Variants in ARHGAP6 observed in about 807,000 individuals in gnomAD.
ARHGAP6 encodes the protein Rho GTPase activating protein 6.
In ARHGAP6, 16 loss-of-function variants were observed where a neutral mutation model predicts 55.7. That is an observed-to-expected ratio of 0.29 (90% CI 0.19 to 0.44). The LOEUF (loss-of-function observed/expected upper bound fraction) is 0.44. Ranked by LOEUF, ARHGAP6 falls within the 20% of genes least tolerant of loss-of-function variation. The pLI is 1.00. For synonymous variants in ARHGAP6, 382 were observed against 360.9 expected, an observed-to-expected ratio of 1.06 and a Z score of -0.66; for missense variants, 698 against 808.9, an observed-to-expected ratio of 0.86 and a Z score of 1.66.
intron 1 of ARHGAP6, among the ~76,000 whole-genome samples, chrX:11,497,559 T>TTCTCTCTCTCTC (rs34138329): frequency 0.088 from 3,620 of 41,017 alleles, 220 homozygotes; most frequent in South Asian, 0.1. Flanking sequence ...CCCTCCCTCC[T>TTCTCTCTCTCTC]TCTCTCTCTC....
chrX:11,254,474 C>G, intron 2 of ARHGAP6, 74 bp downstream of exon 2: 1 of 1,133,142 alleles, frequency 8.8e-7, no homozygotes, highest in South Asian at 2.2e-5. Context: ...GAGAAGAGTT[C>G]ACAGCTCACG....
At chrX:11,363,209 G>A (rs1284478479) in intron 1 of ARHGAP6, among the ~76,000 whole-genome samples, 2 of 111,836 alleles carry the variant, frequency 1.8e-5, no homozygotes, top group African/African-American at 6.5e-5. Flanking sequence ...GAAACTTCTA[G>A]AGTCAGCACC....
At chrX:11,590,447 G>A (rs1398817630) in intron 1 of ARHGAP6, among the ~76,000 whole-genome samples, 1 of 84,891 alleles carries the variant, frequency 1.2e-5, no homozygotes, top group Non-Finnish European at 2.2e-5. Flanking sequence ...AAAAATTGTT[G>A]AATTATTAAA....
intron 1 of ARHGAP6, among the ~76,000 whole-genome samples, chrX:11,287,046 C>A (rs2047929906): frequency 9.0e-6 from 1 of 111,332 alleles, no homozygotes. Flanking sequence ...CAAGTGTACC[C>A]TTTCAACACA....
At chrX:11,409,367 GTCAAGTGTTCAC>G (rs2049652607) in intron 1 of ARHGAP6, among the ~76,000 whole-genome samples, 1 of 111,795 alleles carries the variant, frequency 8.9e-6, no homozygotes, top group Non-Finnish European at 1.9e-5. Context: ...GGATATCTAT[GTCAAGTGTTCAC>G]TCAGGAGCAC....
At chrX:11,313,033 G>C (rs2048318278) in intron 1 of ARHGAP6, among the ~76,000 whole-genome samples, 1 of 112,212 alleles carries the variant, frequency 8.9e-6, no homozygotes, top group Non-Finnish European at 1.9e-5. Context: ...GACATACATA[G>C]AGCATATCAC....
chrX:11,484,326 T>G (rs2050488762), intron 1 of ARHGAP6, among the ~76,000 whole-genome samples: 1 of 105,813 alleles, frequency 9.5e-6, no homozygotes, highest in Admixed American at 1.0e-4. Flanking sequence ...AGAGGAGAAT[T>G]TTAGAGAAGA....
chrX:11,382,951 C>T (rs868383579), intron 1 of ARHGAP6, among the ~76,000 whole-genome samples: 1 of 112,200 alleles, frequency 8.9e-6, no homozygotes, highest in Middle Eastern at 4.7e-3. Context: ...TGTGGCATCT[C>T]TAGTCACATT....
intron 1 of ARHGAP6, among the ~76,000 whole-genome samples, chrX:11,662,276 G>A (rs893537869): frequency 1.8e-5 from 2 of 111,833 alleles, no homozygotes; most frequent in Admixed American, 9.5e-5. Flanking sequence ...AGGTAATCCA[G>A]GCCATTAAAT....
In ARHGAP6 at chrX:11,363,534, A is replaced by G. The variant is rs565773020; in HGVS notation, c.589-108827T>C. Among the ~76,000 whole-genome samples the G allele has an allele frequency of 3.7e-3, 416 of 112,031 alleles. 1 individual carries two copies. Among genetic ancestry groups the G allele is most frequent in the Middle Eastern group, 0.014 (3 of 219 alleles). On this transcript the variant is annotated intron_variant, in intron 1 of 12. Coordinates refer to ENST00000337414, the MANE Select transcript of ARHGAP6 (RefSeq NM_013427.3). ...CCATATGAGTATAACATTGACCTGTATGCATATGATTCTCAGCAATGTAGA... is the reference window on the plus strand; with the variant it reads ...CCATATGAGTATAACATTGACCTGTGTGCATATGATTCTCAGCAATGTAGA...
chrX:11,583,463 T>C (rs997534781), intron 1 of ARHGAP6, among the ~76,000 whole-genome samples: 2 of 112,367 alleles, frequency 1.8e-5, no homozygotes, highest in Non-Finnish European at 3.8e-5. Context: ...AAGTCATCTC[T>C]CTGTTACGAT....
At chrX:11,465,641 T>C (rs7885595) in intron 1 of ARHGAP6, among the ~76,000 whole-genome samples, 293 of 112,311 alleles carry the variant, frequency 2.6e-3, no homozygotes, top group African/African-American at 9.1e-3. Flanking sequence ...AAATATATGA[T>C]TGCAAGAATA....
At chrX:11,358,429 GTATC>G (rs1299164206) in intron 1 of ARHGAP6, among the ~76,000 whole-genome samples, 7 of 85,472 alleles carry the variant, frequency 8.2e-5, no homozygotes, top group South Asian at 6.2e-4. Flanking sequence ...CGTTTTAACT[GTATC>G]TTTCTTTCTT....
At chrX:11,467,773 A>C (rs2050307947) in intron 1 of ARHGAP6, among the ~76,000 whole-genome samples, 1 of 110,748 alleles carries the variant, frequency 9.0e-6, no homozygotes, top group Non-Finnish European at 1.9e-5. Flanking sequence ...TGAGCCCAGG[A>C]ATTTGAGACC....
chrX:11,561,146 C>T (rs750244995), intron 1 of ARHGAP6, among the ~76,000 whole-genome samples: 1 of 111,989 alleles, frequency 8.9e-6, no homozygotes, highest in South Asian at 3.7e-4. Flanking sequence ...AAGATGTTTG[C>T]CAGCCCTTGA....
At chrX:11,469,319 C>T (rs2050325611) in intron 1 of ARHGAP6, among the ~76,000 whole-genome samples, 1 of 112,605 alleles carries the variant, frequency 8.9e-6, no homozygotes, top group South Asian at 3.7e-4. Flanking sequence ...ATCTTTAAGG[C>T]AATTCTATTT....
intron 1 of ARHGAP6, among the ~76,000 whole-genome samples, chrX:11,454,946 T>A (rs1244497352): frequency 1.8e-5 from 2 of 112,470 alleles, no homozygotes; most frequent in Non-Finnish European, 3.8e-5. Flanking sequence ...TTTGGCTTTA[T>A]AACAAAACAT....
chrX:11,267,074 A>G (rs1375319079), intron 1 of ARHGAP6, among the ~76,000 whole-genome samples: 1 of 112,018 alleles, frequency 8.9e-6, no homozygotes, highest in African/African-American at 3.2e-5. Context: ...TGTTGAAAAT[A>G]CGCATTATTC....
chrX:11,188,293 A>G (rs995272758), intron 4 of ARHGAP6, among the ~76,000 whole-genome samples: 18 of 112,043 alleles, frequency 1.6e-4, no homozygotes, highest in African/African-American at 5.8e-4. Context: ...TTGATAAAGA[A>G]AAAGCTCATT....
Sources: gnomAD v4.1 joint callset for allele counts (sites outside exome capture counted in the v4.1 genomes callset) on GRCh38, gnomAD v4.1.1 for gene constraint, MANE v1.5 for transcripts, NCBI Gene and HGNC (gene_info 2026-07-23, HGNC 2026-07-21) for gene names.